NRG3: variants seen among roughly 807,000 people sequenced by gnomAD.
NRG3 encodes pro-neuregulin-3, membrane-bound isoform.
A neutral mutation model predicts 66.9 loss-of-function variants in NRG3; 31 were observed. That is an observed-to-expected ratio of 0.46 (90% CI 0.35 to 0.63). NRG3 has a LOEUF of 0.63. Ranked by LOEUF, NRG3 falls within the 20% of genes least tolerant of loss-of-function variation. NRG3 has a pLI of 0.00. For missense variants in NRG3, 910 were observed against 878.9 expected (o/e 1.04, Z -0.45); for synonymous variants, 393 against 359.4 (o/e 1.09, Z -1.06).
intron 4 of NRG3, among the ~76,000 whole-genome samples, chr10:82,905,975 A>C (rs1844700687): frequency 6.6e-6 from 1 of 152,172 alleles, no homozygotes; most frequent in Admixed American, 6.5e-5. Flanking sequence ...GCCATGTCAT[A>C]TGTCAATCTA....
At chr10:81,993,494 A>G (rs2060819210) in intron 1 of NRG3, among the ~76,000 whole-genome samples, 1 of 151,996 alleles carries the variant, frequency 6.6e-6, no homozygotes, top group Non-Finnish European at 1.5e-5. Flanking sequence ...CTACAGATGC[A>G]TGCCACCACA....
At chr10:82,754,970 G>T (rs1418877490) in intron 3 of NRG3, among the ~76,000 whole-genome samples, 1 of 152,086 alleles carries the variant, frequency 6.6e-6, no homozygotes, top group African/African-American at 2.4e-5. Flanking sequence ...AGATAAATCA[G>T]CAAGATGAAA....
chr10:82,183,464 G>A (rs2073573718), intron 1 of NRG3, among the ~76,000 whole-genome samples: 1 of 151,892 alleles, frequency 6.6e-6, no homozygotes, highest in East Asian at 1.9e-4. Flanking sequence ...TTCAGTTATT[G>A]CATTCTTCAG....
chr10:82,884,165 GA>G (rs11388488), intron 4 of NRG3, among the ~76,000 whole-genome samples: 29 of 151,340 alleles, frequency 1.9e-4, no homozygotes, highest in Admixed American at 7.2e-4. Flanking sequence ...CCCTTGGGGG[GA>G]AAAAAAAGAT....
At chr10:82,050,431 G>T (rs113361128) in intron 1 of NRG3, among the ~76,000 whole-genome samples, 112 of 152,050 alleles carry the variant, frequency 7.4e-4, no homozygotes, top group African/African-American at 2.5e-3. Flanking sequence ...AGATGAATGG[G>T]TGGCTGGCTG....
chr10:82,494,918 C>T (rs1478452510), intron 2 of NRG3, among the ~76,000 whole-genome samples: 2 of 151,842 alleles, frequency 1.3e-5, no homozygotes, highest in Non-Finnish European at 1.5e-5. Context: ...CCGTGATAGG[C>T]TGATCCTACT....
At chr10:82,259,837 G>A (rs116617714) in intron 1 of NRG3, among the ~76,000 whole-genome samples, 78 of 152,160 alleles carry the variant, frequency 5.1e-4, no homozygotes, top group African/African-American at 1.8e-3. Flanking sequence ...GAGGCTGAGC[G>A]GGGAGGATCA....
intron 1 of NRG3, among the ~76,000 whole-genome samples, chr10:82,313,134 C>T (rs531061576): frequency 5.9e-5 from 9 of 151,800 alleles, no homozygotes; most frequent in East Asian, 2.0e-4. Context: ...ACCGAGGTTG[C>T]GCCACTGCAC....
At chr10:82,480,628 G>A (rs1842192560) in intron 2 of NRG3, among the ~76,000 whole-genome samples, 1 of 152,176 alleles carries the variant, frequency 6.6e-6, no homozygotes. Context: ...GTCTGTTTGT[G>A]TTTTGCCAGC....
At chr10:82,198,307 T>TGTTTG (rs1364611091) in intron 1 of NRG3, among the ~76,000 whole-genome samples, 1 of 152,020 alleles carries the variant, frequency 6.6e-6, no homozygotes, top group Non-Finnish European at 1.5e-5. Flanking sequence ...GTTTTTGTTT[T>TGTTTG]GTTTTGTTTT....
chr10:82,427,124 T>C lies in NRG3; in HGVS notation c.953+68256T>C, dbSNP rs77629459. Among the ~76,000 whole-genome samples the C allele has an allele frequency of 6.6e-3, 1,012 of 152,306 alleles. 12 individuals are homozygous for C. Among genetic ancestry groups the C allele is most frequent in the African/African-American group, 0.023 (973 of 41,570 alleles). ...GTTTTGGTATTTTTGCAAGATAATA[T>C]CATCTTCAAATAGAGATGGTTTTAC... On this transcript the variant is annotated intron_variant, in intron 2 of 8. Coordinates refer to ENST00000372141, the MANE Select transcript of NRG3 (RefSeq NM_001010848.4).
chr10:82,799,344 G>A (rs1035013497), intron 3 of NRG3, among the ~76,000 whole-genome samples: 6 of 151,914 alleles, frequency 3.9e-5, no homozygotes, highest in African/African-American at 1.5e-4. Context: ...TGGCCAATGC[G>A]GTGAAACCCC....
intron 1 of NRG3, among the ~76,000 whole-genome samples, chr10:81,905,279 C>T (rs993636488): frequency 4.6e-5 from 7 of 152,168 alleles, no homozygotes; most frequent in South Asian, 4.1e-4. Context: ...CAACCTTCTT[C>T]ATGTCTTCAG....
Position 82,003,674 on chromosome 10 carries a change from T to C in NRG3, c.823+127511T>C, listed in dbSNP as rs557453476. Among the ~76,000 whole-genome samples the C allele has an allele frequency of 2.0e-5, 3 of 152,292 alleles. No homozygotes were observed. In the East Asian group the frequency reaches 5.8e-4, roughly 29 times the overall value. On this transcript the variant is annotated intron_variant, in intron 1 of 8. Transcript: ENST00000372141. ...GATTTGGCAACATGGAAATTGCTGG[T>C]AACCAAAATGCCAGAGAAGGTTTAT...
intron 1 of NRG3, among the ~76,000 whole-genome samples, chr10:81,894,009 G>GT (rs1452357160): frequency 5.9e-5 from 9 of 152,214 alleles, no homozygotes; most frequent in Non-Finnish European, 8.8e-5. Flanking sequence ...TAAGGCTGCT[G>GT]TAACAAAATG....
At chr10:82,924,643 T>C (rs1303578762) in intron 4 of NRG3, among the ~76,000 whole-genome samples, 1 of 152,010 alleles carries the variant, frequency 6.6e-6, no homozygotes, top group Non-Finnish European at 1.5e-5. Flanking sequence ...TTCCTTCTTC[T>C]AGACCAGTAG....
chr10:82,955,339 C>G (rs542115185), intron 5 of NRG3: 2 of 152,062 alleles, frequency 1.3e-5, no homozygotes, highest in South Asian at 4.1e-4. Context: ...GAAAGAAATT[C>G]TCTTCACTCC....
chr10:82,939,721 G>A (rs776969519), intron 4 of NRG3, among the ~76,000 whole-genome samples: 93 of 151,890 alleles, frequency 6.1e-4, no homozygotes, highest in Non-Finnish European at 2.1e-4. Context: ...CACCCGCCTC[G>A]GCCTCCCGAA....
At chr10:82,630,869 T>C (rs930380963) in intron 2 of NRG3, among the ~76,000 whole-genome samples, 1 of 152,188 alleles carries the variant, frequency 6.6e-6, no homozygotes, top group Non-Finnish European at 1.5e-5. Context: ...TTTGCTTTCA[T>C]TGTTTTTACT....
Sources: gnomAD v4.1 joint callset for allele counts (sites outside exome capture counted in the v4.1 genomes callset) on GRCh38, gnomAD v4.1.1 for gene constraint, MANE v1.5 for transcripts, NCBI Gene and HGNC (gene_info 2026-07-23, HGNC 2026-07-21) for gene names.